FAM227B: variants seen among roughly 807,000 people sequenced by gnomAD.
FAM227B encodes family with sequence similarity 227 member B.
FAM227B carries 88 observed loss-of-function variants against 73.8 expected under a neutral mutation model. That is an observed-to-expected ratio of 1.19 (90% CI 1.00 to 1.42). The LOEUF (loss-of-function observed/expected upper bound fraction) is 1.42. Among genes scored for constraint, FAM227B ranks in the 40% most tolerant of loss-of-function variants. The pLI is 0.00. For missense variants in FAM227B, 632 were observed against 590.9 expected (o/e 1.07, Z -0.72); for synonymous variants, 210 against 190.5 (o/e 1.10, Z -0.84).
intron 11 of FAM227B, among the ~76,000 whole-genome samples, chr15:49,483,791 C>T (rs2056163430): frequency 6.6e-6 from 1 of 152,002 alleles, no homozygotes; most frequent in Admixed American, 6.6e-5. Context: ...ATTCCCACAG[C>T]TAGGCATAAT....
chr15:49,552,180 G>T (rs1197390793), intron 9 of FAM227B, among the ~76,000 whole-genome samples: 2 of 152,080 alleles, frequency 1.3e-5, no homozygotes, highest in Admixed American at 1.3e-4. Flanking sequence ...GTCCGGTATT[G>T]CTGAAATCCC....
intron 1 of FAM227B, chr15:49,620,314 A>G (rs2078614448): frequency 6.6e-6 from 1 of 152,142 alleles, no homozygotes; most frequent in African/African-American, 2.4e-5. Flanking sequence ...TCCTTTATCT[A>G]CCACTTGATA....
At chr15:49,576,463 A>C in intron 7 of FAM227B, 2 of 265,652 alleles carry the variant, frequency 7.5e-6, no homozygotes, top group Admixed American at 1.0e-4. Flanking sequence ...GAGCTGACAG[A>C]GCAGGAACAG....
At chr15:49,365,985 C>T in intron 13 of FAM227B, 1 of 821,552 alleles carries the variant, frequency 1.2e-6, no homozygotes, top group Non-Finnish European at 2.2e-6. Flanking sequence ...GTAAGACCAT[C>T]ATAACACAGT....
intron 9 of FAM227B, among the ~76,000 whole-genome samples, chr15:49,545,494 T>C (rs1294237244): frequency 1.3e-5 from 2 of 152,196 alleles, no homozygotes; most frequent in Non-Finnish European, 2.9e-5. Flanking sequence ...TTTCATTTAG[T>C]TCTGCTCTGA....
At chr15:49,473,228 A>G (rs1359385807) in intron 11 of FAM227B, among the ~76,000 whole-genome samples, 2 of 151,596 alleles carry the variant, frequency 1.3e-5, no homozygotes, top group South Asian at 2.1e-4. Context: ...AGTTTAGTTA[A>G]CTCATCCTTT....
intron 9 of FAM227B, among the ~76,000 whole-genome samples, chr15:49,550,065 C>T (rs1175786453): frequency 1.5e-5 from 2 of 131,024 alleles, no homozygotes; most frequent in Non-Finnish European, 3.3e-5. Flanking sequence ...GGGGGCTGAT[C>T]CCCCCACCTC....
intron 5 of FAM227B, among the ~76,000 whole-genome samples, chr15:49,579,127 A>C (rs2075652327): frequency 6.6e-6 from 1 of 152,236 alleles, no homozygotes; most frequent in Admixed American, 6.5e-5. Flanking sequence ...TATCCAAATT[A>C]GAATGGCTAT....
At chr15:49,490,749 A>C in intron 11 of FAM227B, among the ~76,000 whole-genome samples, 1 of 151,956 alleles carries the variant, frequency 6.6e-6, no homozygotes, top group East Asian at 1.9e-4. Context: ...GGGCATGTAC[A>C]TATCACCTTA....
intron 11 of FAM227B, among the ~76,000 whole-genome samples, chr15:49,384,305 C>G (rs1190190171): frequency 1.3e-5 from 2 of 152,040 alleles, no homozygotes; most frequent in East Asian, 3.9e-4. Context: ...TCTTTGAGCA[C>G]TAGTAGCAAA....
At chr15:49,396,656 G>A (rs565030203) in intron 11 of FAM227B, among the ~76,000 whole-genome samples, 4 of 151,780 alleles carry the variant, frequency 2.6e-5, no homozygotes, top group South Asian at 2.1e-4. Flanking sequence ...ATCTGAGAAC[G>A]GGCAGACTGC....
Position 49,328,461 on chromosome 15 carries a change from A to G in FAM227B, c.*107T>C. On this transcript the variant is annotated 3_prime_UTR_variant, in exon 16 of 16. Coordinates refer to ENST00000299338, the MANE Select transcript of FAM227B (RefSeq NM_152647.3). ...AAGATGAATGGTAAAACACACTCTT[A>G]ATACTGATTACATGGATTGGACTTG... is the stretch of plus-strand genomic sequence containing the variant. 3.3e-6 allele frequency: 5 copies of G among 1,513,834 alleles called. No individual in the cohort carries two copies. Among genetic ancestry groups the G allele is most frequent in the Non-Finnish European group, 3.5e-6 (4 of 1,131,450 alleles). The allele number at this position is 1,513,834 out of a possible 1,614,324, so 93.8% of individuals were successfully genotyped here. A position where few individuals can be genotyped will look rare whatever the true frequency, so the allele number is the denominator to read the frequency against.
chr15:49,418,777 A>G, intron 11 of FAM227B, among the ~76,000 whole-genome samples: 1 of 151,456 alleles, frequency 6.6e-6, no homozygotes, highest in East Asian at 2.0e-4. Context: ...CTGAACCTAA[A>G]AGATCAAAAA....
At chr15:49,584,491 C>T (rs554850370) in intron 5 of FAM227B, among the ~76,000 whole-genome samples, 1 of 152,228 alleles carries the variant, frequency 6.6e-6, no homozygotes, top group South Asian at 2.1e-4. Context: ...TTCTACTGAA[C>T]ATAGTATTGG....
chr15:49,475,926 C>A (rs1248303340), intron 11 of FAM227B, among the ~76,000 whole-genome samples: 1 of 152,102 alleles, frequency 6.6e-6, no homozygotes, highest in Non-Finnish European at 1.5e-5. Context: ...AGGTTCAAGA[C>A]CCTTGACAAT....
chr15:49,387,432 A>C (rs1167755919), intron 11 of FAM227B, among the ~76,000 whole-genome samples: 2 of 151,758 alleles, frequency 1.3e-5, no homozygotes, highest in Non-Finnish European at 3.0e-5. Flanking sequence ...AGCATTTGAT[A>C]AACTACAGCA....
chr15:49,360,554 G>C (rs1206296047), intron 13 of FAM227B, among the ~76,000 whole-genome samples: 2 of 130,472 alleles, frequency 1.5e-5, no homozygotes, highest in African/African-American at 5.7e-5. Flanking sequence ...AAGGGCTTGA[G>C]GTGGCTTATA....
At chr15:49,497,663 C>A (rs2057746036) in intron 11 of FAM227B, among the ~76,000 whole-genome samples, 1 of 151,938 alleles carries the variant, frequency 6.6e-6, no homozygotes, top group East Asian at 1.9e-4. Flanking sequence ...AGTAGATTTC[C>A]TAGTAGTCAC....
rs148081097 is a variant in FAM227B, at chr15:49,599,830, T to C, written c.106-9823A>G. 5.9e-4 allele frequency among the ~76,000 whole-genome samples: 90 copies of C among 152,316 alleles called. No individual in the cohort carries two copies. In the East Asian group the frequency reaches 0.012, roughly 20 times the overall value. ...AAGACTTGTTTTGTGGCCCAATATA[T>C]AATCCATCCTGGAGAATTTTCTTTG... On this transcript the variant is annotated intron_variant, in intron 3 of 15. Transcript: ENST00000299338.
Sources: gnomAD v4.1 joint callset for allele counts (sites outside exome capture counted in the v4.1 genomes callset) on GRCh38, gnomAD v4.1.1 for gene constraint, MANE v1.5 for transcripts, NCBI Gene and HGNC (gene_info 2026-07-23, HGNC 2026-07-21) for gene names.